Variants in ABL1 observed in about 807,000 individuals in gnomAD.
ABL1 encodes the protein tyrosine-protein kinase ABL1.
In ABL1, 11 loss-of-function variants were observed where a neutral mutation model predicts 94.7. That is an observed-to-expected ratio of 0.12 (90% CI 0.07 to 0.19). The LOEUF is 0.19. Ranked by LOEUF, ABL1 falls within the 10% of genes least tolerant of loss-of-function variation. ABL1 has a pLI of 1.00. For synonymous variants in ABL1, 656 were observed against 622.4 expected, an observed-to-expected ratio of 1.05 and a Z score of -0.80; for missense variants, 1,082 against 1,489.4, an observed-to-expected ratio of 0.73 and a Z score of 4.50.
At chr9:130,802,347 G>A (rs1830066640) in intron 1 of ABL1, among the ~76,000 whole-genome samples, 1 of 151,966 alleles carries the variant, frequency 6.6e-6, no homozygotes, top group Non-Finnish European at 1.5e-5. Flanking sequence ...ACCTGCCCTG[G>A]TCTCCCAAAA....
At chr9:130,757,598 G>A (rs1832057348) in intron 1 of ABL1, among the ~76,000 whole-genome samples, 1 of 147,332 alleles carries the variant, frequency 6.8e-6, no homozygotes, top group South Asian at 2.2e-4. Context: ...GAGTGTAGTG[G>A]TGCGATCTCA....
chr9:130,769,246 A>G (rs988270935), intron 1 of ABL1, among the ~76,000 whole-genome samples: 1 of 152,088 alleles, frequency 6.6e-6, no homozygotes, highest in African/African-American at 2.4e-5. Context: ...TATAGAGGAA[A>G]ACAGTTTAAT....
At chr9:130,779,457 G>C (rs964662672) in intron 1 of ABL1, among the ~76,000 whole-genome samples, 1 of 152,148 alleles carries the variant, frequency 6.6e-6, no homozygotes, top group East Asian at 1.9e-4. Flanking sequence ...CTGATTTATG[G>C]CATAACGCAG....
chr9:130,854,015 C>T lies in ABL1; in HGVS notation c.80-49C>T, dbSNP rs748519041. ...TGAGAATAAAACTAATTTTTTCTCC[C>T]AATTTTCTCTTCCTTTTTCTTTTTT... On this transcript the variant is annotated intron_variant, in intron 1 of 10. Coordinates refer to ENST00000318560, the MANE Select transcript of ABL1 (RefSeq NM_005157.6). 4.5e-6 allele frequency: 7 copies of T among 1,545,768 alleles called. No homozygotes were observed. The African/African-American group carries it at 5.6e-5, about 12-fold the overall frequency.
chr9:130,748,738 G>A (rs1031559831), intron 1 of ABL1, among the ~76,000 whole-genome samples: 4 of 152,100 alleles, frequency 2.6e-5, no homozygotes, highest in Admixed American at 1.3e-4. Flanking sequence ...ACTGCTGCCC[G>A]GCTAATTTTT....
At chr9:130,871,702 C>A (rs1303729058) in intron 4 of ABL1, among the ~76,000 whole-genome samples, 1 of 152,210 alleles carries the variant, frequency 6.6e-6, no homozygotes, top group Non-Finnish European at 1.5e-5. Context: ...ATTTCAGATT[C>A]TTCAGGTGAT....
rs998844962 is a variant in ABL1, at chr9:130,835,838, C to T, written c.79+313C>T. On this transcript the variant is annotated intron_variant, in intron 1 of 10. Transcript: ENST00000318560. The surrounding 1 kb of genome is among the most constrained non-coding windows in gnomAD (Gnocchi z 4.6). ...TGGCCCCCAGCCCCGGCACCAGCCC[C>T]GGTAGAGCCACGCCGGATGGTGACG... Among the ~76,000 whole-genome samples, 1 of 152,252 alleles carries T rather than the reference C, an allele frequency of 6.6e-6. No homozygotes were observed. Among genetic ancestry groups the T allele is most frequent in the African/African-American group, 2.4e-5 (1 of 41,466 alleles).
At chr9:130,739,755 A>G (rs546098567) in intron 1 of ABL1, among the ~76,000 whole-genome samples, 1 of 152,272 alleles carries the variant, frequency 6.6e-6, no homozygotes, top group East Asian at 1.9e-4. Flanking sequence ...CTTTGTAATA[A>G]TGTATAATCA....
At chr9:130,868,306 G>T (rs17147282) in intron 4 of ABL1, among the ~76,000 whole-genome samples, 5,397 of 152,098 alleles carry the variant, frequency 0.035, 168 homozygotes, top group Middle Eastern at 0.095. Context: ...TCTGATGGGT[G>T]AAGGAATATT....
Position 130,815,296 on chromosome 9 carries a change from C to T in ABL1, c.137-38768C>T, listed in dbSNP as rs529958981. On this transcript the variant is annotated intron_variant, in intron 1 of 10. Coordinates refer to the ABL1 transcript ENST00000372348. ...TTGCAGTGAGCTGAGATCATGCCAC[C>T]GCACTCCAGCCTGGGCGACAGAGTG... 2.6e-4 allele frequency among the ~76,000 whole-genome samples: 39 copies of T among 151,632 alleles called. 2 individuals are homozygous for T. The highest frequency in any genetic ancestry group is 1.2e-3 in the Admixed American group (18 of 15,250).
At chr9:130,772,040 C>T (rs1832259788) in intron 1 of ABL1, among the ~76,000 whole-genome samples, 1 of 152,216 alleles carries the variant, frequency 6.6e-6, no homozygotes, top group Non-Finnish European at 1.5e-5. Context: ...AGGCATGAGC[C>T]ACTGCGCCCA....
At chr9:130,829,552 G>T (rs545409047) in intron 1 of ABL1, among the ~76,000 whole-genome samples, 4 of 137,042 alleles carry the variant, frequency 2.9e-5, no homozygotes, top group African/African-American at 5.5e-5. Context: ...GTGACAGAGC[G>T]AGACTACGTC....
chr9:130,763,989 C>A (rs12236044), intron 1 of ABL1, among the ~76,000 whole-genome samples: 28,451 of 152,042 alleles, frequency 0.19, 3,374 homozygotes, highest in Middle Eastern at 0.38. Flanking sequence ...GGGCAGGGAA[C>A]GGGCAGAAGA....
At chr9:130,718,093 G>A (rs1008694811) in intron 1 of ABL1, among the ~76,000 whole-genome samples, 4 of 152,050 alleles carry the variant, frequency 2.6e-5, no homozygotes, top group East Asian at 1.9e-4. Flanking sequence ...TGAGGCAGGC[G>A]GATCACTTGA....
chr9:130,760,900 C>T (rs1183077660), intron 1 of ABL1, among the ~76,000 whole-genome samples: 2 of 145,106 alleles, frequency 1.4e-5, no homozygotes, highest in African/African-American at 2.6e-5. Flanking sequence ...CTCTTGACCT[C>T]GTGGTCAGCC....
chr9:130,715,041 T>C (rs1251970092), intron 1 of ABL1, among the ~76,000 whole-genome samples: 1 of 152,248 alleles, frequency 6.6e-6, no homozygotes, highest in African/African-American at 2.4e-5. Flanking sequence ...AGACAGCTTC[T>C]GTCTTACCTT....
chr9:130,739,301 T>C (rs1831785116), intron 1 of ABL1, among the ~76,000 whole-genome samples: 1 of 152,160 alleles, frequency 6.6e-6, no homozygotes, highest in South Asian at 2.1e-4. Flanking sequence ...GTTTAGTTCG[T>C]AGCATCCTCA....
intron 1 of ABL1, among the ~76,000 whole-genome samples, chr9:130,730,992 A>C (rs893989811): frequency 5.0e-5 from 6 of 119,460 alleles, no homozygotes; most frequent in Non-Finnish European, 8.6e-5. Flanking sequence ...TTTTCACTCT[A>C]TCTCTCTTTT....
At chr9:130,749,676 G>A (rs538736655) in intron 1 of ABL1, among the ~76,000 whole-genome samples, 1 of 152,316 alleles carries the variant, frequency 6.6e-6, no homozygotes, top group East Asian at 1.9e-4. Context: ...TGAGGCTGGT[G>A]ATAGACTCTT....
Sources: gnomAD v4.1 joint callset for allele counts (sites outside exome capture counted in the v4.1 genomes callset) on GRCh38, gnomAD v4.1.1 for gene constraint, Gnocchi (gnomAD v3.1) non-coding constraint, MANE v1.5 for transcripts, NCBI Gene and HGNC (gene_info 2026-07-23, HGNC 2026-07-21) for gene names.